ANTXR2: variants seen among roughly 807,000 people sequenced by gnomAD.
The protein encoded by ANTXR2 is anthrax toxin receptor 2.
Under a neutral mutation model 73.7 loss-of-function variants are expected in ANTXR2, and 44 were observed. The observed-to-expected ratio is 0.60, with a 90% CI of 0.47 to 0.77. The LOEUF (loss-of-function observed/expected upper bound fraction) is 0.77. Among genes scored for constraint, ANTXR2 ranks in the 30% least tolerant of loss-of-function variants. ANTXR2 has a pLI of 0.00. For missense variants in ANTXR2, 604 were observed against 592.5 expected (o/e 1.02, Z -0.20); for synonymous variants, 217 against 205.9 (o/e 1.05, Z -0.46).
At chr4:80,032,001 C>T (rs1038474775) in intron 9 of ANTXR2, among the ~76,000 whole-genome samples, 8 of 151,214 alleles carry the variant, frequency 5.3e-5, no homozygotes, top group African/African-American at 1.9e-4. Flanking sequence ...TTTTTAAAAA[C>T]AAATGCTCCG....
chr4:79,962,871 T>C (rs1729195534), intron 16 of ANTXR2, among the ~76,000 whole-genome samples: 1 of 152,166 alleles, frequency 6.6e-6, no homozygotes, highest in Non-Finnish European at 1.5e-5. Flanking sequence ...GCCCAGGCTA[T>C]CAATATACAT....
intron 16 of ANTXR2, among the ~76,000 whole-genome samples, chr4:79,973,746 A>G (rs1050400456): frequency 6.6e-6 from 1 of 152,182 alleles, no homozygotes; most frequent in African/African-American, 2.4e-5. Flanking sequence ...GGTATTCTTA[A>G]TAATCTTTGT....
intron 3 of ANTXR2, 63 bp downstream of exon 3, chr4:80,069,373 A>G: frequency 1.5e-6 from 2 of 1,322,502 alleles, no homozygotes; most frequent in South Asian, 2.6e-5. Context: ...ACTTGGAAAT[A>G]TCAATCATGC....
At chr4:79,929,298 A>G (rs1727964926) in intron 16 of ANTXR2, among the ~76,000 whole-genome samples, 1 of 152,140 alleles carries the variant, frequency 6.6e-6, no homozygotes, top group African/African-American at 2.4e-5. Context: ...GTGAATCACT[A>G]GGTCAGGAGT....
At chr4:79,914,543 G>A (rs1727272076) in intron 16 of ANTXR2, among the ~76,000 whole-genome samples, 1 of 151,994 alleles carries the variant, frequency 6.6e-6, no homozygotes, top group African/African-American at 2.4e-5. Flanking sequence ...CTCCAATAAA[G>A]AATTGCCTAA....
chr4:79,906,477 T>G lies in ANTXR2; in HGVS notation c.*952A>C, dbSNP rs1726914302. On this transcript the variant is annotated 3_prime_UTR_variant, in exon 17 of 17. Coordinates refer to ENST00000403729, the MANE Select transcript of ANTXR2 (RefSeq NM_058172.6). ...TGACGCTGAAGAGCCCTTGGAGACT[T>G]GAAGAAAGAAAAAACCCTGAGCGGA... 1 of 152,556 alleles carries G rather than the reference T, an allele frequency of 6.6e-6. No individual in the cohort carries two copies. The highest frequency in any genetic ancestry group is 6.6e-5 in the Admixed American group (1 of 15,264). The allele number at this position is 152,556 out of a possible 1,614,324, so 9.5% of individuals were successfully genotyped here. A position where few individuals can be genotyped will look rare whatever the true frequency, so the allele number is the denominator to read the frequency against.
intron 8 of ANTXR2, among the ~76,000 whole-genome samples, chr4:80,033,993 T>C (rs1732835387): frequency 6.6e-6 from 1 of 152,114 alleles, no homozygotes; most frequent in Non-Finnish European, 1.5e-5. Context: ...TTATGTACGT[T>C]TTTTAGTTCT....
intron 16 of ANTXR2, among the ~76,000 whole-genome samples, chr4:79,966,654 T>C (rs922089590): frequency 1.3e-5 from 2 of 152,158 alleles, no homozygotes; most frequent in African/African-American, 4.8e-5. Flanking sequence ...GAAATAAAAT[T>C]TGTAGGATAT....
chr4:80,009,454 GTTTAA>G (rs1347991921), intron 11 of ANTXR2, among the ~76,000 whole-genome samples: 2 of 152,104 alleles, frequency 1.3e-5, no homozygotes, highest in Non-Finnish European at 2.9e-5. Flanking sequence ...GTGATTATTT[GTTTAA>G]TTTATATTTT....
intron 7 of ANTXR2, among the ~76,000 whole-genome samples, chr4:80,039,667 T>C (rs1733142392): frequency 2.6e-5 from 4 of 152,108 alleles, no homozygotes; most frequent in Admixed American, 6.6e-5. Flanking sequence ...AAAAAGGGAA[T>C]GTTTATACAC....
At chr4:79,972,958 C>A (rs1729484466) in intron 16 of ANTXR2, among the ~76,000 whole-genome samples, 1 of 144,228 alleles carries the variant, frequency 6.9e-6, no homozygotes, top group Non-Finnish European at 1.5e-5. Flanking sequence ...CGTCCGAAGG[C>A]TTCATTTGTT....
At chr4:79,926,027 G>A (rs796897735) in intron 16 of ANTXR2, among the ~76,000 whole-genome samples, 13 of 152,108 alleles carry the variant, frequency 8.5e-5, no homozygotes, top group African/African-American at 2.9e-4. Flanking sequence ...CTTCAATGTT[G>A]TATGTGCTTT....
rs556489460 is a variant in ANTXR2, at chr4:80,001,907, T to A, written c.1041+6614A>T. On this transcript the variant is annotated intron_variant, in intron 12 of 16. Transcript: ENST00000403729. The stretch of plus-strand genomic sequence containing the variant: ...TTTTGTTTTCCATTTGCTTGGTAGA[T>A]CTTCCTCCATCCTTTTATTTTGAGC... Among the ~76,000 whole-genome samples, 4 of 151,916 alleles carry A rather than the reference T, an allele frequency of 2.6e-5. No homozygotes were observed. The East Asian group carries it at 7.8e-4, about 30-fold the overall frequency.
At chr4:79,975,120 G>A (rs1157231864) in intron 16 of ANTXR2, among the ~76,000 whole-genome samples, 2 of 152,088 alleles carry the variant, frequency 1.3e-5, no homozygotes, top group Non-Finnish European at 1.5e-5. Context: ...ACGAATCACT[G>A]CCTCAGTGAC....
chr4:80,000,555 T>C (rs577015873), intron 12 of ANTXR2, among the ~76,000 whole-genome samples: 2 of 152,212 alleles, frequency 1.3e-5, no homozygotes, highest in African/African-American at 4.8e-5. Flanking sequence ...ATTATTAGTC[T>C]ATAAGGGGAG....
At chr4:80,025,027 T>G (rs1732362866) in intron 10 of ANTXR2, among the ~76,000 whole-genome samples, 2 of 152,202 alleles carry the variant, frequency 1.3e-5, no homozygotes, top group African/African-American at 4.8e-5. Context: ...AATCCATGCT[T>G]TGCTCCATCA....
chr4:80,036,026 C>T lies in ANTXR2; in HGVS notation c.643G>A (p.Ala215Thr), dbSNP rs199587458. The T allele has an allele frequency of 7.2e-5, 108 of 1,506,056 alleles. No individual in the cohort carries two copies. The highest frequency in any genetic ancestry group is 9.5e-5 in the Non-Finnish European group (107 of 1,131,962). 93.3% of individuals were successfully genotyped at this position (1,506,056 alleles called of 1,614,324 possible). The change falls in exon 8 of 17, where the codon GCT (alanine) becomes ACT (threonine). Residue 215 changes from alanine to threonine, a missense_variant. Transcript: ENST00000403729. ...TCTAGGATTTCAGTACATGACTGAGCTAGTATCTAAAAAAGAAAAAAAAAA... is the reference window on the plus strand; with the variant it reads ...TCTAGGATTTCAGTACATGACTGAGTTAGTATCTAAAAAAGAAAAAAAAAA... ...ALKGIINSIL[A>T]QSCTEILELQ...
At chr4:79,986,098 C>T (rs1730147671) in intron 12 of ANTXR2, among the ~76,000 whole-genome samples, 1 of 152,030 alleles carries the variant, frequency 6.6e-6, no homozygotes, top group Non-Finnish European at 1.5e-5. Flanking sequence ...CCCGCCTCGG[C>T]CCCCCAATAC....
chr4:79,906,160 G>A lies in ANTXR2; in HGVS notation c.*1269C>T, dbSNP rs12747. On this transcript the variant is annotated 3_prime_UTR_variant, in exon 17 of 17. Transcript: ENST00000403729. ...TAATTTGGCATCGTCGACGTGACAC[G>A]ATGGTGGTTTTTCTAAAAAATTATA... 4.6e-5 allele frequency: 7 copies of A among 152,564 alleles called. No individual in the cohort carries two copies. Among genetic ancestry groups the A allele is most frequent in the African/African-American group, 1.7e-4 (7 of 41,418 alleles). The allele number at this position is 152,564 out of a possible 1,614,324, so 9.5% of individuals were successfully genotyped here.
Sources: allele counts gnomAD v4.1 joint callset (sites outside exome capture counted in the v4.1 genomes callset), GRCh38; gene constraint gnomAD v4.1.1; transcripts MANE v1.5; gene names NCBI Gene and HGNC (gene_info 2026-07-23, HGNC 2026-07-21).